PHAF1: variants seen among roughly 807,000 people sequenced by gnomAD.
PHAF1 encodes the protein phagosome assembly factor 1.
Under a neutral mutation model 63.1 loss-of-function variants are expected in PHAF1, and 23 were observed. The observed-to-expected ratio is 0.36, with a 90% CI of 0.26 to 0.52. PHAF1 has a LOEUF of 0.52. Among genes scored for constraint, PHAF1 ranks in the 20% least tolerant of loss-of-function variants. The probability of loss-of-function intolerance (pLI) is 0.93; values close to 1 mark genes in which losing one functional copy is unlikely to be tolerated. For synonymous variants in PHAF1, 167 were observed against 185.0 expected (o/e 0.90, Z 0.79); for missense variants, 427 against 517.2 (o/e 0.83, Z 1.69).
intron 8 of PHAF1, 45 bp downstream of exon 8, chr16:67,134,512 T>C: frequency 6.8e-7 from 1 of 1,475,638 alleles, no homozygotes; most frequent in South Asian, 1.1e-5. Context: ...ATTATACCCA[T>C]GTTGAGACAG....
chr16:67,112,145 C>G (rs1338245460), intron 1 of PHAF1, among the ~76,000 whole-genome samples: 1 of 151,990 alleles, frequency 6.6e-6, no homozygotes, highest in Non-Finnish European at 1.5e-5. Flanking sequence ...CAAGATCCTC[C>G]CACGGCTGGA....
At chr16:67,113,992 G>A (rs1257438776) in intron 1 of PHAF1, among the ~76,000 whole-genome samples, 3 of 152,044 alleles carry the variant, frequency 2.0e-5, no homozygotes, top group Non-Finnish European at 4.4e-5. Context: ...CATTTGTGCC[G>A]GGCCCTGAAA....
intron 10 of PHAF1, among the ~76,000 whole-genome samples, chr16:67,142,978 T>A (rs956130568): frequency 1.3e-5 from 2 of 152,140 alleles, no homozygotes; most frequent in African/African-American, 4.8e-5. Context: ...TAGGACTTAG[T>A]TGGCTGTGGG....
intron 1 of PHAF1, among the ~76,000 whole-genome samples, chr16:67,117,001 TTTC>T (rs1240830262): frequency 2.0e-5 from 3 of 152,032 alleles, no homozygotes; most frequent in Non-Finnish European, 2.9e-5. Context: ...TCTATGTGTG[TTTC>T]TTCTTGTTTA....
intron 1 of PHAF1, among the ~76,000 whole-genome samples, chr16:67,117,087 C>G (rs1962765917): frequency 6.6e-6 from 1 of 151,748 alleles, no homozygotes; most frequent in Non-Finnish European, 1.5e-5. Context: ...AGTTGGAGCG[C>G]AGTGGCACGA....
intron 6 of PHAF1, among the ~76,000 whole-genome samples, chr16:67,133,747 TC>T (rs1291953417): frequency 6.7e-6 from 1 of 150,296 alleles, no homozygotes; most frequent in Non-Finnish European, 1.5e-5. Flanking sequence ...GCCACTGCAC[TC>T]TAGCCTGGGC....
intron 2 of PHAF1, among the ~76,000 whole-genome samples, chr16:67,121,164 C>T (rs1416367912): frequency 6.6e-6 from 1 of 151,536 alleles, no homozygotes; most frequent in Admixed American, 6.6e-5. Flanking sequence ...TATGACAGAA[C>T]AGGGGACTTG....
intron 6 of PHAF1, 73 bp from the exon 7 acceptor site, chr16:67,134,095 T>A: frequency 7.7e-7 from 1 of 1,290,396 alleles, no homozygotes. Context: ...AGACCATGAG[T>A]GACAGGGAAG....
chr16:67,132,641 G>T (rs756226782), intron 5 of PHAF1, 116 bp downstream of exon 5: 11 of 1,304,202 alleles, frequency 8.4e-6, no homozygotes, highest in Non-Finnish European at 1.1e-5. Flanking sequence ...GGATTGTGGG[G>T]TTGGTACTTG....
At position 67,136,554 on chromosome 16, in the gene PHAF1, C is replaced by CTTTTTTTTTTTTTTTTTTTTTT. The variant is rs34174571; in HGVS notation, c.661+2093_661+2114dup. Reference sequence around the variant, plus strand: ...GCATCAGTCTCTGAGGCATTGATTCCTTTTTTTTTTTTTTTTTTTTTTTTT... The same window carrying CTTTTTTTTTTTTTTTTTTTTTT: ...GCATCAGTCTCTGAGGCATTGATTCCTTTTTTTTTTTTTTTTTTTTTTTTTTTTTTTTTTTTTTTTTTTTTTT... On this transcript the variant is annotated intron_variant, in intron 8 of 15. Transcript: ENST00000219139. 3.0e-4 allele frequency among the ~76,000 whole-genome samples: 18 copies of CTTTTTTTTTTTTTTTTTTTTTT among 60,460 alleles called. 1 individual carries two copies. The highest frequency in any genetic ancestry group is 1.2e-3 in the East Asian group (3 of 2,588). The allele number at this position is 60,460 out of a possible 152,430, so 39.7% of individuals were successfully genotyped here.
chr16:67,134,494 C>T (rs908396005), intron 8 of PHAF1, 27 bp downstream of exon 8: 1 of 1,539,566 alleles, frequency 6.5e-7, no homozygotes, highest in African/African-American at 1.4e-5. Context: ...GAGGTTGGTA[C>T]ATTCCGCATT....
intron 14 of PHAF1, 97 bp downstream of exon 14, chr16:67,145,725 A>C (rs1344351780): frequency 4.5e-6 from 6 of 1,341,310 alleles, no homozygotes; most frequent in Non-Finnish European, 6.2e-6. Flanking sequence ...CTTAAAAATT[A>C]CAGAAGTTTC....
intron 3 of PHAF1, among the ~76,000 whole-genome samples, chr16:67,130,878 G>T (rs1257290044): frequency 6.6e-6 from 1 of 152,202 alleles, no homozygotes; most frequent in East Asian, 1.9e-4. Flanking sequence ...AGTCCACTAG[G>T]AGAGGGAAGC....
chr16:67,125,000 T>A (rs2145843690), intron 2 of PHAF1, among the ~76,000 whole-genome samples: 1 of 152,190 alleles, frequency 6.6e-6, no homozygotes, highest in Middle Eastern at 3.4e-3. Flanking sequence ...TTGGGCAGCC[T>A]CAATCAGGGC....
intron 2 of PHAF1, among the ~76,000 whole-genome samples, chr16:67,123,510 GAGGTTGC>G (rs1446987704): frequency 2.6e-5 from 4 of 152,156 alleles, no homozygotes; most frequent in Non-Finnish European, 5.9e-5. Context: ...CTGAGAGGCG[GAGGTTGC>G]AGTGAGCCAA....
chr16:67,124,918 A>G (rs1963126533), intron 2 of PHAF1, among the ~76,000 whole-genome samples: 2 of 151,370 alleles, frequency 1.3e-5, no homozygotes, highest in African/African-American at 2.4e-5. Flanking sequence ...AAAAAAAAAA[A>G]GTAACTAAAC....
intron 10 of PHAF1, among the ~76,000 whole-genome samples, chr16:67,143,967 TGGTGGG>T (rs1963901203): frequency 6.7e-6 from 1 of 148,668 alleles, no homozygotes; most frequent in Non-Finnish European, 1.5e-5. Flanking sequence ...CCAGGCGTGG[TGGTGGG>T]CGCCTGTAAT....
At position 67,122,091 on chromosome 16, in the gene PHAF1, G is replaced by A. The variant is rs534283855; in HGVS notation, c.147+1897G>A. Among the ~76,000 whole-genome samples, 13 of 151,310 alleles carry A rather than the reference G, an allele frequency of 8.6e-5. No individual in the cohort carries two copies. The South Asian group carries it at 2.3e-3, about 27-fold the overall frequency. On this transcript the variant is annotated intron_variant, in intron 2 of 15. Transcript: ENST00000219139. Reference sequence around the variant, plus strand: ...TTATTTTTATATTTTGTAGAGATGGGGTCTCACTGTGTTTTTCAGGCTGGT... The same window carrying A: ...TTATTTTTATATTTTGTAGAGATGGAGTCTCACTGTGTTTTTCAGGCTGGT...
rs1963742659 is a variant in PHAF1, at chr16:67,139,910, C to T, written c.662-74C>T. ...TAATAATGTAGCATGCAGCCAGTAGCTTCTCTGGGGCCCCCAGAGAGGGTC... is the reference window on the plus strand; with the variant it reads ...TAATAATGTAGCATGCAGCCAGTAGTTTCTCTGGGGCCCCCAGAGAGGGTC... On this transcript the variant is annotated intron_variant, in intron 8 of 15. Coordinates refer to ENST00000219139, the MANE Select transcript of PHAF1 (RefSeq NM_025187.5). 4.5e-6 allele frequency: 7 copies of T among 1,568,536 alleles called. No homozygotes were observed. The South Asian group carries it at 8.0e-5, about 18-fold the overall frequency.
Sources: gnomAD v4.1 joint callset for allele counts (sites outside exome capture counted in the v4.1 genomes callset) on GRCh38, gnomAD v4.1.1 for gene constraint, MANE v1.5 for transcripts, NCBI Gene and HGNC (gene_info 2026-07-23, HGNC 2026-07-21) for gene names.